SGCD: variants seen among roughly 807,000 people sequenced by gnomAD.
SGCD encodes sarcoglycan delta, also known as delta-sarcoglycan.
Under a neutral mutation model 36.6 loss-of-function variants are expected in SGCD, and 18 were observed. That is an observed-to-expected ratio of 0.49 (90% confidence interval 0.34 to 0.73). The LOEUF (loss-of-function observed/expected upper bound fraction) is 0.73. SGCD is among the 30% of genes least tolerant of loss of function. The probability of loss-of-function intolerance (pLI) is 0.01; values close to 1 mark genes in which losing one functional copy is unlikely to be tolerated. For synonymous variants in SGCD, 133 were observed against 130.6 expected, an observed-to-expected ratio of 1.02 and a Z score of -0.12; for missense variants, 387 against 346.7, an observed-to-expected ratio of 1.12 and a Z score of -0.92.
intron 3 of SGCD, among the ~76,000 whole-genome samples, chr5:156,201,418 T>C (rs1218976041): frequency 6.6e-6 from 1 of 152,190 alleles, no homozygotes; most frequent in Non-Finnish European, 1.5e-5. Context: ...CATGCTGACA[T>C]CTTTCTTCAC....
intron 3 of SGCD, among the ~76,000 whole-genome samples, chr5:156,457,801 G>A (rs1291376673): frequency 6.6e-6 from 1 of 152,154 alleles, no homozygotes; most frequent in Non-Finnish European, 1.5e-5. Flanking sequence ...TTGAGAGCTT[G>A]GGAATTCTGA....
At chr5:156,297,164 T>G in intron 3 of SGCD, among the ~76,000 whole-genome samples, 1 of 152,126 alleles carries the variant, frequency 6.6e-6, no homozygotes, top group East Asian at 1.9e-4. Flanking sequence ...ATTCCACTGA[T>G]ACTCTCTTAG....
intron 3 of SGCD, among the ~76,000 whole-genome samples, chr5:156,454,395 GTACCCCGGGGCTGTGAGAGAT>G (rs1754162120): frequency 6.6e-6 from 1 of 152,122 alleles, no homozygotes; most frequent in Non-Finnish European, 1.5e-5. Context: ...ACTTTCCATA[GTACCCCGGGGCTGTGAGAGAT>G]TACCCAAGGA....
chr5:156,537,776 A>G (rs1028500934), intron 4 of SGCD, among the ~76,000 whole-genome samples: 1 of 151,912 alleles, frequency 6.6e-6, no homozygotes, highest in African/African-American at 2.4e-5. Flanking sequence ...TCCTGTATAC[A>G]AGGTCTTGAC....
chr5:155,813,410 A>T, the SGCD span, among the ~76,000 whole-genome samples: 1 of 152,188 alleles, frequency 6.6e-6, no homozygotes, highest in Non-Finnish European at 1.5e-5. Flanking sequence ...AGGCCTGCGC[A>T]TGCCTGAATT....
intron 2 of SGCD, among the ~76,000 whole-genome samples, chr5:156,118,788 T>C (rs781252996): frequency 4.6e-5 from 7 of 152,156 alleles, no homozygotes; most frequent in Non-Finnish European, 1.0e-4. Context: ...AGTCACTGGA[T>C]GTTTTCTATA....
At chr5:156,700,928 G>T (rs1754502836) in intron 7 of SGCD, among the ~76,000 whole-genome samples, 1 of 122,358 alleles carries the variant, frequency 8.2e-6, no homozygotes, top group East Asian at 2.4e-4. Flanking sequence ...GGGCAATGGA[G>T]TGAGACCTTG....
chr5:156,197,335 C>A (rs2127635302), intron 3 of SGCD, among the ~76,000 whole-genome samples: 1 of 152,228 alleles, frequency 6.6e-6, no homozygotes, highest in Non-Finnish European at 1.5e-5. Context: ...TAGTTTGAAA[C>A]ACATATAAAT....
intron 7 of SGCD, among the ~76,000 whole-genome samples, chr5:156,738,001 A>G (rs1756463117): frequency 6.6e-6 from 1 of 152,204 alleles, no homozygotes; most frequent in Non-Finnish European, 1.5e-5. Flanking sequence ...ATTTAAATGA[A>G]AAATCCAAAT....
At chr5:156,343,111 C>A (rs1297509170) in intron 2 of SGCD, among the ~76,000 whole-genome samples, 23 of 104,706 alleles carry the variant, frequency 2.2e-4, no homozygotes, top group Non-Finnish European at 4.0e-4. Flanking sequence ...TATCTAAAAA[C>A]CAAAAAAAAA....
chr5:156,168,371 C>CA lies in SGCD; in HGVS notation c.-44+44367dup, dbSNP rs76065330. Among the ~76,000 whole-genome samples, 124 of 145,378 alleles carry CA rather than the reference C, an allele frequency of 8.5e-4. 2 individuals carry two copies. The South Asian group carries it at 0.014, about 16-fold the overall frequency. ...CAACATAGTGAGACTCCTATCTCTA[C>CA]AAAAAAAAAAAAAAATGGGCAACAT... On this transcript the variant is annotated intron_variant, in intron 3 of 9. Coordinates refer to the SGCD transcript ENST00000517913.
intron 3 of SGCD, among the ~76,000 whole-genome samples, chr5:156,350,727 G>A (rs1400510236): frequency 6.6e-6 from 1 of 152,094 alleles, no homozygotes; most frequent in Admixed American, 6.6e-5. Context: ...CCCACAAATA[G>A]ACCTTAGTTT....
At chr5:156,570,882 A>G (rs1561785682) in intron 4 of SGCD, among the ~76,000 whole-genome samples, 1 of 152,030 alleles carries the variant, frequency 6.6e-6, no homozygotes, top group South Asian at 2.1e-4. Flanking sequence ...GTCTTTTGCC[A>G]TATCTTTATT....
At chr5:156,722,878 C>G (rs1394850842) in intron 7 of SGCD, among the ~76,000 whole-genome samples, 1 of 152,208 alleles carries the variant, frequency 6.6e-6, no homozygotes, top group East Asian at 1.9e-4. Flanking sequence ...ATCCTATCAC[C>G]TTTTTGTGGG....
At chr5:156,472,496 C>A (rs1467856232) in intron 3 of SGCD, among the ~76,000 whole-genome samples, 2 of 152,176 alleles carry the variant, frequency 1.3e-5, no homozygotes, top group East Asian at 3.9e-4. Context: ...CAGCTTACTG[C>A]AACCTCTGCC....
At chr5:155,927,990 A>G (rs1205448317) in intron 1 of SGCD, among the ~76,000 whole-genome samples, 1 of 152,228 alleles carries the variant, frequency 6.6e-6, no homozygotes, top group African/African-American at 2.4e-5. Flanking sequence ...CTGAAAGATA[A>G]CAAAAGGCGT....
At chr5:156,643,982 T>C (rs1161431107) in intron 6 of SGCD, among the ~76,000 whole-genome samples, 1 of 152,138 alleles carries the variant, frequency 6.6e-6, no homozygotes, top group Non-Finnish European at 1.5e-5. Context: ...TATTCATTAA[T>C]ACAAAAGCAC....
At chr5:156,033,191 T>C (rs1759397226) in intron 1 of SGCD, among the ~76,000 whole-genome samples, 1 of 152,132 alleles carries the variant, frequency 6.6e-6, no homozygotes, top group East Asian at 1.9e-4. Context: ...AATTGATGCC[T>C]TCAGGAACCA....
the SGCD span, among the ~76,000 whole-genome samples, chr5:155,794,594 A>G: frequency 1.3e-5 from 2 of 152,098 alleles, no homozygotes; most frequent in African/African-American, 2.4e-5. Flanking sequence ...GGGAGCAATA[A>G]AAAACCAGTA....
Sources: allele counts gnomAD v4.1 joint callset (sites outside exome capture counted in the v4.1 genomes callset), GRCh38; gene constraint gnomAD v4.1.1; transcripts MANE v1.5; gene names NCBI Gene and HGNC (gene_info 2026-07-23, HGNC 2026-07-21).